Variants in DUS2 observed in about 807,000 individuals in gnomAD.
The protein encoded by DUS2 is dihydrouridine synthase 2, also known as tRNA-dihydrouridine(20) synthase [NAD(P)+]-like.
Under a neutral mutation model 71.3 loss-of-function variants are expected in DUS2, and 52 were observed. The observed-to-expected ratio is 0.73, with a 90% CI of 0.58 to 0.92. The LOEUF (loss-of-function observed/expected upper bound fraction) is 0.92. Among genes scored for constraint, DUS2 ranks in the 40% least tolerant of loss-of-function variants. The pLI is 0.00. For synonymous variants in DUS2, 204 were observed against 227.8 expected (o/e 0.90, Z 0.94); for missense variants, 558 against 622.6 (o/e 0.90, Z 1.10).
intron 14 of DUS2, 98 bp downstream of exon 14, chr16:68,075,602 G>C (rs1308234688): frequency 4.0e-6 from 5 of 1,248,684 alleles, no homozygotes; most frequent in Non-Finnish European, 5.4e-6. Flanking sequence ...AATGTCAAAC[G>C]TAGGGACCAC....
chr16:68,031,822 G>A (rs547285721), intron 2 of DUS2, among the ~76,000 whole-genome samples: 2 of 152,236 alleles, frequency 1.3e-5, no homozygotes, highest in South Asian at 4.1e-4. Flanking sequence ...AGCCTCCCGA[G>A]TAGCTGGGAT....
At chr16:68,035,889 TATA>T (rs1567470051) in intron 2 of DUS2, among the ~76,000 whole-genome samples, 60 of 2,110 alleles carry the variant, frequency 0.028, 2 homozygotes, top group African/African-American at 0.03. Context: ...TAATTTTATA[TATA>T]TATATATATA....
chr16:68,071,451 C>T (rs1379459324), intron 12 of DUS2, among the ~76,000 whole-genome samples: 1 of 152,134 alleles, frequency 6.6e-6, no homozygotes, highest in Non-Finnish European at 1.5e-5. Context: ...GGCATATGCA[C>T]GTGGACTGTG....
intron 3 of DUS2, 146 bp downstream of exon 3, chr16:68,038,295 G>A (rs749421328): frequency 2.5e-6 from 3 of 1,188,538 alleles, no homozygotes; most frequent in Non-Finnish European, 3.5e-6. Flanking sequence ...ACAAACATGT[G>A]TGACACTGAT....
chr16:68,078,589 G>A (rs1598322499), intron 16 of DUS2, 71 bp downstream of exon 16: 1 of 1,560,112 alleles, frequency 6.4e-7, no homozygotes, highest in Non-Finnish European at 8.8e-7. Flanking sequence ...CACACATCCA[G>A]CATTGTCCTA....
chr16:68,077,672 A>G (rs1008743706), intron 15 of DUS2: 3 of 152,342 alleles, frequency 2.0e-5, no homozygotes, highest in African/African-American at 7.2e-5. Flanking sequence ...TACAGGCGTG[A>G]GCCACCGCAC....
At chr16:68,024,325 C>G (rs750625733) in intron 1 of DUS2, among the ~76,000 whole-genome samples, 7 of 152,070 alleles carry the variant, frequency 4.6e-5, no homozygotes, top group Non-Finnish European at 8.8e-5. Flanking sequence ...TCTCGAACTC[C>G]TGGCCTCAAG....
At chr16:68,073,133 G>T (rs2034110384) in intron 12 of DUS2, among the ~76,000 whole-genome samples, 1 of 152,180 alleles carries the variant, frequency 6.6e-6, no homozygotes, top group Non-Finnish European at 1.5e-5. Flanking sequence ...GCAGGAAGGG[G>T]CTCCCGCACT....
At chr16:68,077,885 T>C in intron 15 of DUS2, 1 of 159,928 alleles carries the variant, frequency 6.3e-6, no homozygotes, top group South Asian at 1.7e-4. Context: ...GGGTTGTGTC[T>C]GTGTCCCCAC....
chr16:68,078,906 C>T lies in DUS2; in HGVS notation c.1402C>T (p.Leu468=). Reference sequence around the variant, plus strand: ...CCCTGGGGGCCCCAGAGCTCAGGAGCTAGCACAACCTGGGGATCTGTGCAA... The same window carrying T: ...CCCTGGGGGCCCCAGAGCTCAGGAGTTAGCACAACCTGGGGATCTGTGCAA... ...QDPGGPRAQE[L]AQPGDLCKKP... Residue 468 remains leucine, a synonymous_variant, in exon 17 of 17, where the codon CTA becomes TTA. Coordinates refer to ENST00000565263, the MANE Select transcript of DUS2 (RefSeq NM_017803.5). The T allele has an allele frequency of 1.2e-6, 2 of 1,612,510 alleles. No homozygotes were observed. Among genetic ancestry groups the T allele is most frequent in the Non-Finnish European group, 1.7e-6 (2 of 1,178,876 alleles).
rs1223157441 is a variant in DUS2 at position 68,061,169 on chromosome 16, T to C, written c.417+56T>C. On this transcript the variant is annotated intron_variant, in intron 8 of 16. Transcript: ENST00000565263. ...CTCAAACACAGCTCCAAACTAGAAT[T>C]GTCTAGAACGCCTCCTTCCACCAAT... The C allele has an allele frequency of 5.2e-6, 8 of 1,548,594 alleles. No individual in the cohort carries two copies. In the African/African-American group the frequency reaches 9.5e-5, roughly 18 times the overall value.
At chr16:68,070,642 A>C (rs2034071291) in intron 11 of DUS2, among the ~76,000 whole-genome samples, 2 of 152,132 alleles carry the variant, frequency 1.3e-5, no homozygotes, top group Admixed American at 1.3e-4. Flanking sequence ...CCAGTTATGG[A>C]CCCATGTCTC....
chr16:68,070,118 T>C lies in DUS2; in HGVS notation c.555-16T>C. The C allele has an allele frequency of 6.2e-7, 1 of 1,613,294 alleles. No homozygotes were observed. The highest frequency in any genetic ancestry group is 8.5e-7 in the Non-Finnish European group (1 of 1,179,286). ...TTTTGGTGCTTAGCCCTCAGCCCCA[T>C]CTTTCTATCTCCAAGGAAGCGGGAG... On this transcript the variant is annotated splice_polypyrimidine_tract_variant and intron_variant, in intron 10 of 16. Coordinates refer to ENST00000565263, the MANE Select transcript of DUS2 (RefSeq NM_017803.5).
rs201933500 is a variant in DUS2 at position 68,046,997 on chromosome 16, G to A, written c.127-2508G>A. ...GATCTCCTGACCTCGTGATCCGCCCGCCTTGGCTTCCCAAAGTGCTGGGAT... is the reference window on the plus strand; with the variant it reads ...GATCTCCTGACCTCGTGATCCGCCCACCTTGGCTTCCCAAAGTGCTGGGAT... On this transcript the variant is annotated intron_variant, in intron 3 of 16. Transcript: ENST00000565263. Among the ~76,000 whole-genome samples, 98 of 149,146 alleles carry A rather than the reference G, an allele frequency of 6.6e-4. 1 individual carries two copies. Among genetic ancestry groups the A allele is most frequent in the South Asian group, 1.9e-3 (9 of 4,742 alleles).
In DUS2 at chr16:68,066,594, G is replaced by A. The variant is rs771516174; in HGVS notation, c.512G>A (p.Arg171Gln). The A allele has an allele frequency of 4.1e-5, 66 of 1,614,100 alleles. No individual in the cohort carries two copies. The highest frequency in any genetic ancestry group is 1.8e-4 in the South Asian group (16 of 91,078). The change falls in exon 10 of 17, where the codon CGG (arginine) becomes CAG (glutamine). Residue 171 changes from arginine (R) to glutamine (Q), a missense_variant. By Grantham distance (43) the Arg-to-Gln change is conservative. Transcript: ENST00000565263. The part of the protein sequence containing the change: ...SLEDTLSLVK[R>Q]IERTGIAAIA... The stretch of plus-strand genomic sequence containing the variant: ...GAAGATACCCTGAGCCTTGTGAAGC[G>A]GATAGAGAGGACTGGCATTGCTGCC...
Position 68,027,331 on chromosome 16 carries a change from C to T in DUS2, c.-19+1837C>T, listed in dbSNP as rs375167275. ...TCAGCTTACTGTGACCTCCGCCTCC[C>T]GGGTTCAAGTGATTCTCTTGCCTCA... On this transcript the variant is annotated intron_variant, in intron 2 of 16. Coordinates refer to ENST00000565263, the MANE Select transcript of DUS2 (RefSeq NM_017803.5). Among the ~76,000 whole-genome samples, 971 of 152,136 alleles carry T rather than the reference C, an allele frequency of 6.4e-3. 11 individuals are homozygous for T. The highest frequency in any genetic ancestry group is 0.022 in the African/African-American group (920 of 41,512).
rs1036783156 is a variant in DUS2, at chr16:68,023,351, G to C, written c.-99G>C. 7.2e-6 allele frequency: 7 copies of C among 968,760 alleles called. No individual in the cohort carries two copies. The African/African-American group carries it at 8.4e-5, about 12-fold the overall frequency. 60.0% of individuals were successfully genotyped at this position (968,760 alleles called of 1,614,324 possible). A position where few individuals can be genotyped will look rare whatever the true frequency, so the allele number is the denominator to read the frequency against. On this transcript the variant is annotated splice_region_variant and 5_prime_UTR_variant, in exon 1 of 17. Transcript: ENST00000565263. The stretch of plus-strand genomic sequence containing the variant: ...GTTCTTTTTAAGAGTTCAGCTGCGA[G>C]GTCTGTAGCTCCGAATAGGGGATGG...
At chr16:68,072,287 C>A (rs1023264557) in intron 12 of DUS2, among the ~76,000 whole-genome samples, 5 of 152,186 alleles carry the variant, frequency 3.3e-5, no homozygotes, top group Non-Finnish European at 7.3e-5. Flanking sequence ...TCCTGCTGGG[C>A]AAGTTGGTGA....
chr16:68,071,406 A>G (rs2034085244), intron 12 of DUS2, among the ~76,000 whole-genome samples: 1 of 152,124 alleles, frequency 6.6e-6, no homozygotes, highest in Non-Finnish European at 1.5e-5. Flanking sequence ...CACATGATAT[A>G]TATCTTTCTT....
Sources: gnomAD v4.1 joint callset for allele counts (sites outside exome capture counted in the v4.1 genomes callset) on GRCh38, gnomAD v4.1.1 for gene constraint, MANE v1.5 for transcripts, NCBI Gene and HGNC (gene_info 2026-07-23, HGNC 2026-07-21) for gene names.